PLXNA2: variants seen among roughly 807,000 people sequenced by gnomAD.
PLXNA2 encodes the protein plexin-A2.
A neutral mutation model predicts 193.5 loss-of-function variants in PLXNA2; 91 were observed. The ratio of observed to expected loss-of-function variants is 0.47; its 90% confidence interval spans 0.40 to 0.56. The LOEUF (loss-of-function observed/expected upper bound fraction) is 0.56, where lower values mean the gene tolerates loss of function less well. PLXNA2 is among the 20% of genes least tolerant of loss of function. The pLI is 0.00. For synonymous variants in PLXNA2, 997 were observed against 1,027.3 expected (o/e 0.97, Z 0.56); for missense variants, 1,995 against 2,503.2 (o/e 0.80, Z 4.33).
rs986151372 is a variant in PLXNA2 at position 208,244,053 on chromosome 1, G to A, written c.-491C>T. ...CTCCTCTGACATCAGCAATCCCGGC[G>A]CTTCCTTCCCTTCTTGCTCTCCGGT... On this transcript the variant is annotated 5_prime_UTR_variant, in exon 1 of 32. Transcript: ENST00000367033. 6.5e-6 allele frequency: 1 copy of A among 152,756 alleles called. No homozygotes were observed. The allele number at this position is 152,756 out of a possible 1,614,324, so 9.5% of individuals were successfully genotyped here.
intron 4 of PLXNA2, among the ~76,000 whole-genome samples, chr1:208,133,675 G>T (rs1330627480): frequency 6.6e-6 from 1 of 152,098 alleles, no homozygotes; most frequent in African/African-American, 2.4e-5. Flanking sequence ...AACTCTCTTG[G>T]GCCTAGGTTG....
At chr1:208,242,224 A>T (rs1021512333) in intron 1 of PLXNA2, among the ~76,000 whole-genome samples, 1 of 152,100 alleles carries the variant, frequency 6.6e-6, no homozygotes, top group African/African-American at 2.4e-5. Context: ...CCCAGAGGGA[A>T]GAGTGAAGTT....
In PLXNA2 at chr1:208,217,284, G is replaced by C; in HGVS notation, c.639C>G (p.Leu213=). 1.2e-6 allele frequency: 2 copies of C among 1,614,102 alleles called. No homozygotes were observed. Among genetic ancestry groups the C allele is most frequent in the Non-Finnish European group, 8.5e-7 (1 of 1,180,018 alleles). Residue 213 remains leucine (L), a synonymous_variant, in exon 2 of 32, where the codon CTC becomes CTG. Coordinates refer to ENST00000367033, the MANE Select transcript of PLXNA2 (RefSeq NM_025179.4). The surrounding 1 kb of genome is among the most constrained non-coding windows in gnomAD (Gnocchi z 4.7). ...CAAAATCGCTGTGTAGCTCATAGTC[G>C]AGCATGGCTGAGGACTCAGGGTCTC... ...LPRDPESSAM[L]DYELHSDFVS...
At chr1:208,048,412 T>G (rs1190401933) in intron 17 of PLXNA2, among the ~76,000 whole-genome samples, 2 of 152,218 alleles carry the variant, frequency 1.3e-5, no homozygotes, top group Non-Finnish European at 2.9e-5. Flanking sequence ...CCTCCCATTC[T>G]GGAGCCAGCT....
intron 18 of PLXNA2, among the ~76,000 whole-genome samples, chr1:208,045,591 C>G (rs965218791): frequency 2.6e-5 from 4 of 152,130 alleles, no homozygotes; most frequent in Admixed American, 1.3e-4. Flanking sequence ...ACAGAGTGGA[C>G]AGAAAAGGAA....
chr1:208,196,240 C>G (rs1300763476), intron 3 of PLXNA2, among the ~76,000 whole-genome samples: 1 of 152,084 alleles, frequency 6.6e-6, no homozygotes. Flanking sequence ...TGCCCAGCTT[C>G]AGGAATGAAA....
intron 3 of PLXNA2, among the ~76,000 whole-genome samples, chr1:208,209,655 C>T (rs1442636895): frequency 6.6e-6 from 1 of 152,168 alleles, no homozygotes; most frequent in Non-Finnish European, 1.5e-5. Context: ...CAGAAGTACC[C>T]TGGGAGGCGC....
intron 4 of PLXNA2, among the ~76,000 whole-genome samples, chr1:208,105,948 T>G (rs1667257280): frequency 6.6e-6 from 1 of 152,148 alleles, no homozygotes; most frequent in African/African-American, 2.4e-5. Context: ...ATGGGAGCAG[T>G]GTCTCCAGCA....
rs985583974 is a variant in PLXNA2, at chr1:208,212,649, G to A, written c.1189-2187C>T. Among the ~76,000 whole-genome samples, 3 of 152,154 alleles carry A rather than the reference G, an allele frequency of 2.0e-5. No homozygotes were observed. The East Asian group carries it at 5.8e-4, about 29-fold the overall frequency. ...GGCAATTGGCAGAGGCTACAAACCA[G>A]AGCACTCCTCTCCCTCCCCTGCCTG... On this transcript the variant is annotated intron_variant, in intron 2 of 31. Transcript: ENST00000367033.
chr1:208,040,328 T>G, intron 22 of PLXNA2: 1 of 487,336 alleles, frequency 2.1e-6, no homozygotes. Context: ...GAACTTTGGC[T>G]GCATCTGAGA....
chr1:208,072,772 T>C (rs1003608581), intron 12 of PLXNA2, among the ~76,000 whole-genome samples: 4 of 152,168 alleles, frequency 2.6e-5, no homozygotes, highest in African/African-American at 7.2e-5. Flanking sequence ...GGAGTAAGTG[T>C]GGACCTCATT....
At chr1:208,186,708 ATTTTATTTTT>A (rs556904010) in intron 3 of PLXNA2, among the ~76,000 whole-genome samples, 2,226 of 111,740 alleles carry the variant, frequency 0.02, 81 homozygotes, top group African/African-American at 0.059. Context: ...TTGCAATGTT[ATTTTATTTTT>A]TTTTTTTTTT....
chr1:208,185,719 G>GAAAAAAAAAAAAGAAAA (rs3991419), intron 3 of PLXNA2, among the ~76,000 whole-genome samples: 1 of 105,536 alleles, frequency 9.5e-6, no homozygotes, highest in Non-Finnish European at 1.9e-5. Context: ...AAAAAAAAAA[G>GAAAAAAAAAAAAGAAAA]GAAAAAAAAA....
In PLXNA2 at chr1:208,077,321, G is replaced by A. The variant is rs371013489; in HGVS notation, c.2586+1939C>T. On this transcript the variant is annotated intron_variant, in intron 12 of 31. Coordinates refer to ENST00000367033, the MANE Select transcript of PLXNA2 (RefSeq NM_025179.4). ...AAATCAATTACAGCATAATTACCTC[G>A]GGGGGTTAATTAGCCTCGCGTAGCC... 5.9e-5 allele frequency among the ~76,000 whole-genome samples: 9 copies of A among 152,288 alleles called. No individual in the cohort carries two copies. In the South Asian group the frequency reaches 1.2e-3, roughly 21 times the overall value.
intron 3 of PLXNA2, among the ~76,000 whole-genome samples, chr1:208,180,115 T>G (rs1303274972): frequency 6.6e-6 from 1 of 151,810 alleles, no homozygotes; most frequent in African/African-American, 2.4e-5. Context: ...GTGCTTGGGT[T>G]GTTCCTCCTC....
At chr1:208,151,880 G>A (rs1321842987) in intron 3 of PLXNA2, among the ~76,000 whole-genome samples, 1 of 152,140 alleles carries the variant, frequency 6.6e-6, no homozygotes, top group Non-Finnish European at 1.5e-5. Context: ...TTAAACAGGA[G>A]GACAATGCCT....
intron 3 of PLXNA2, among the ~76,000 whole-genome samples, chr1:208,191,584 A>G (rs1670183225): frequency 6.6e-6 from 1 of 152,226 alleles, no homozygotes; most frequent in Non-Finnish European, 1.5e-5. Flanking sequence ...GTCCCTCACA[A>G]TGAGCCTGGG....
chr1:208,226,700 C>T lies in PLXNA2; in HGVS notation c.-80-8698G>A, dbSNP rs77416389. Among the ~76,000 whole-genome samples the T allele has an allele frequency of 1.5e-3, 223 of 152,316 alleles. 1 individual carries two copies. Among genetic ancestry groups the T allele is most frequent in the African/African-American group, 5.1e-3 (214 of 41,572 alleles). The stretch of plus-strand genomic sequence containing the variant: ...AGAATTCCCTTTATTATCTAAAGGT[C>T]GCCACCCGGGCAGAGCTGAGAGAGC... On this transcript the variant is annotated intron_variant, in intron 1 of 31. Transcript: ENST00000367033.
chr1:208,125,677 T>C (rs1667954267), intron 4 of PLXNA2, among the ~76,000 whole-genome samples: 1 of 152,224 alleles, frequency 6.6e-6, no homozygotes, highest in Non-Finnish European at 1.5e-5. Context: ...TATTCTCAGC[T>C]TGGCACACAG....
Sources: allele counts gnomAD v4.1 joint callset (sites outside exome capture counted in the v4.1 genomes callset), GRCh38; gene constraint gnomAD v4.1.1; non-coding constraint Gnocchi (gnomAD v3.1); transcripts MANE v1.5; gene names NCBI Gene and HGNC (gene_info 2026-07-23, HGNC 2026-07-21).